Variants in COL26A1 observed in about 807,000 individuals in gnomAD.
COL26A1 encodes collagen type XXVI alpha 1 chain.
Under a neutral mutation model 59.3 loss-of-function variants are expected in COL26A1, and 41 were observed. The observed-to-expected ratio is 0.69, with a 90% CI of 0.54 to 0.90. COL26A1 has a LOEUF of 0.90. Among genes scored for constraint, COL26A1 ranks in the 40% least tolerant of loss-of-function variants. COL26A1 has a pLI of 0.00. For missense variants in COL26A1, 612 were observed against 602.3 expected, an observed-to-expected ratio of 1.02 and a Z score of -0.17; for synonymous variants, 266 against 256.0, an observed-to-expected ratio of 1.04 and a Z score of -0.37.
intron 2 of COL26A1, among the ~76,000 whole-genome samples, chr7:101,442,905 A>G (rs1246431877): frequency 6.6e-6 from 1 of 151,944 alleles, no homozygotes; most frequent in African/African-American, 2.4e-5. Flanking sequence ...ACGAGTGTGC[A>G]CACGAGTGTG....
intron 1 of COL26A1, among the ~76,000 whole-genome samples, chr7:101,398,765 C>T (rs564540804): frequency 4.6e-5 from 7 of 152,252 alleles, no homozygotes; most frequent in Admixed American, 6.5e-5. Context: ...CTCAGAGGGC[C>T]GCTGCAGAGG....
intron 2 of COL26A1, among the ~76,000 whole-genome samples, chr7:101,436,791 C>G (rs1792927031): frequency 6.6e-6 from 1 of 151,918 alleles, no homozygotes; most frequent in Non-Finnish European, 1.5e-5. Context: ...TCTCTGCTCA[C>G]TGCAACCTCC....
At chr7:101,543,176 T>TG (rs1795654482) in intron 5 of COL26A1, among the ~76,000 whole-genome samples, 1 of 65,660 alleles carries the variant, frequency 1.5e-5, no homozygotes, top group African/African-American at 8.0e-5. Context: ...TCAGCAAACT[T>TG]TTTTTTTTTT....
chr7:101,555,951 C>G, intron 12 of COL26A1, 80 bp downstream of exon 12: 1 of 1,245,362 alleles, frequency 8.0e-7, no homozygotes, highest in Non-Finnish European at 1.1e-6. Context: ...TGGCTGCTGC[C>G]TAGGGTCTCT....
intron 3 of COL26A1, among the ~76,000 whole-genome samples, chr7:101,466,323 G>C (rs1344203083): frequency 6.6e-6 from 1 of 152,046 alleles, no homozygotes; most frequent in African/African-American, 2.4e-5. Flanking sequence ...TGGCACAATT[G>C]GTGGTACAGA....
chr7:101,520,662 A>ACACACACACACC lies in COL26A1; in HGVS notation c.386-12419_386-12418insACACACACACCC, dbSNP rs915256077. Among the ~76,000 whole-genome samples, 295 of 143,350 alleles carry ACACACACACACC rather than the reference A, an allele frequency of 2.1e-3. 1 individual carries two copies. The highest frequency in any genetic ancestry group is 2.8e-3 in the Non-Finnish European group (179 of 64,454). The allele number at this position is 143,350 out of a possible 152,430, so 94.0% of individuals were successfully genotyped here. On this transcript the variant is annotated intron_variant, in intron 3 of 12. Transcript: ENST00000313669. ...CACACACACACACACACACACACAC[A>ACACACACACACC]CCCCCGTGTTCTTGCATGTTTTTGC... is the stretch of plus-strand genomic sequence containing the variant.
rs373947712 is a variant in COL26A1, at chr7:101,433,694, A to G, written c.281+13595A>G. Among the ~76,000 whole-genome samples, 28 of 152,074 alleles carry G rather than the reference A, an allele frequency of 1.8e-4. No individual in the cohort carries two copies. The East Asian group carries it at 2.5e-3, about 14-fold the overall frequency. On this transcript the variant is annotated intron_variant, in intron 2 of 12. Transcript: ENST00000313669. Reference sequence around the variant, plus strand: ...GGGGAAAGGACAGCTGCAGGGACCAATGCTGGAGAAGCCGAGCAGGGTGGC... The same window carrying G: ...GGGGAAAGGACAGCTGCAGGGACCAGTGCTGGAGAAGCCGAGCAGGGTGGC...
intron 1 of COL26A1, among the ~76,000 whole-genome samples, chr7:101,386,326 G>A (rs1190305896): frequency 6.7e-6 from 1 of 149,748 alleles, no homozygotes; most frequent in African/African-American, 2.5e-5. Context: ...GCTAAGTGCA[G>A]TGGCACGATC....
intron 1 of COL26A1, among the ~76,000 whole-genome samples, chr7:101,376,083 T>C (rs1250068462): frequency 1.3e-5 from 2 of 150,764 alleles, no homozygotes; most frequent in African/African-American, 4.9e-5. Flanking sequence ...GGAGGATCAC[T>C]TGAGCCCAGA....
chr7:101,551,009 A>G, intron 9 of COL26A1, 99 bp from the exon 10 acceptor site: 1 of 1,331,544 alleles, frequency 7.5e-7, no homozygotes, highest in Non-Finnish European at 1.1e-6. Flanking sequence ...CCTCTTCTGC[A>G]GACTCAGAGC....
Position 101,519,792 on chromosome 7 carries a change from C to T in COL26A1, c.386-13290C>T, listed in dbSNP as rs534734311. Among the ~76,000 whole-genome samples, 9 of 152,300 alleles carry T rather than the reference C, an allele frequency of 5.9e-5. No individual in the cohort carries two copies. The South Asian group carries it at 6.2e-4, about 11-fold the overall frequency. Reference sequence around the variant, plus strand: ...GGAGCTAGAAGTCACGTCATCTGGGCGTCCAGTGTTCCCTCCTCTCTCCTC... The same window carrying T: ...GGAGCTAGAAGTCACGTCATCTGGGTGTCCAGTGTTCCCTCCTCTCTCCTC... On this transcript the variant is annotated intron_variant, in intron 3 of 12. Coordinates refer to ENST00000313669, the MANE Select transcript of COL26A1 (RefSeq NM_001278563.3).
At chr7:101,421,052 C>T (rs1381708629) in intron 2 of COL26A1, among the ~76,000 whole-genome samples, 2 of 152,146 alleles carry the variant, frequency 1.3e-5, no homozygotes, top group Non-Finnish European at 2.9e-5. Flanking sequence ...CCTTTGTGCC[C>T]TCCCTAACGG....
chr7:101,479,910 C>T (rs898146191), intron 3 of COL26A1, among the ~76,000 whole-genome samples: 2 of 152,148 alleles, frequency 1.3e-5, no homozygotes, highest in Admixed American at 6.6e-5. Flanking sequence ...GGAAACATTA[C>T]AATTCTTCTC....
rs868708246 is a variant in COL26A1, at chr7:101,551,278, A to T, written c.1029+135A>T. The T allele has an allele frequency of 5.6e-5, 53 of 940,598 alleles. No individual in the cohort carries two copies. The South Asian group carries it at 6.1e-4, about 11-fold the overall frequency. 58.3% of individuals were successfully genotyped at this position (940,598 alleles called of 1,614,324 possible). A position where few individuals can be genotyped will look rare whatever the true frequency, so the allele number is the denominator to read the frequency against. ...CCCTGCTGGAGCTCAGGCAACAGGG[A>T]GGGACTGAGAAAGGACTCAAATCGC... On this transcript the variant is annotated intron_variant, in intron 10 of 12. Transcript: ENST00000313669.
At chr7:101,493,985 C>T (rs1005601177) in intron 3 of COL26A1, among the ~76,000 whole-genome samples, 6 of 150,918 alleles carry the variant, frequency 4.0e-5, no homozygotes, top group Non-Finnish European at 8.8e-5. Context: ...CTAACGCAAA[C>T]AGCAAGATCC....
chr7:101,463,893 C>CTTTCTTTCTTTT, intron 3 of COL26A1, among the ~76,000 whole-genome samples: 1 of 83,142 alleles, frequency 1.2e-5, no homozygotes, highest in African/African-American at 6.1e-5. Flanking sequence ...TTCTTTCTTT[C>CTTTCTTTCTTTT]TTTCTTTCTT....
At chr7:101,454,192 T>TG (rs1198930019) in intron 3 of COL26A1, among the ~76,000 whole-genome samples, 1 of 152,094 alleles carries the variant, frequency 6.6e-6, no homozygotes, top group African/African-American at 2.4e-5. Context: ...GGTGACACCC[T>TG]GGCTCCCTGT....
intron 3 of COL26A1, among the ~76,000 whole-genome samples, chr7:101,520,739 C>T (rs997921886): frequency 1.3e-5 from 2 of 151,932 alleles, no homozygotes; most frequent in African/African-American, 4.8e-5. Flanking sequence ...CTCTCATGCT[C>T]CTTCCCCAGC....
rs1393066986 is a variant in COL26A1, at chr7:101,551,161, A to C, written c.1029+18A>C. 7.0e-7 allele frequency: 1 copy of C among 1,435,128 alleles called. No individual in the cohort carries two copies. Among genetic ancestry groups the C allele is most frequent in the Middle Eastern group, 2.3e-4 (1 of 4,428 alleles). The allele number at this position is 1,435,128 out of a possible 1,614,324, so 88.9% of individuals were successfully genotyped here. On this transcript the variant is annotated intron_variant, in intron 10 of 12. Transcript: ENST00000313669. ...GGCCGTCCGTAAGTGTGGGCTGTGC[A>C]GATGGGCCTGGGCCACTCCCAGGCA...
Sources: gnomAD v4.1 joint callset for allele counts (sites outside exome capture counted in the v4.1 genomes callset) on GRCh38, gnomAD v4.1.1 for gene constraint, MANE v1.5 for transcripts, NCBI Gene and HGNC (gene_info 2026-07-23, HGNC 2026-07-21) for gene names.